NTM: variants seen among roughly 807,000 people sequenced by gnomAD.
NTM encodes the protein neurotrimin, also known as IgLON family member 2.
NTM carries 13 observed loss-of-function variants against 42.1 expected under a neutral mutation model. The observed-to-expected ratio is 0.31, with a 90% confidence interval of 0.20 to 0.49. NTM has a LOEUF of 0.49. Ranked by LOEUF, NTM falls within the 20% of genes least tolerant of loss-of-function variation. NTM has a pLI of 0.99. For synonymous variants in NTM, 187 were observed against 179.2 expected (o/e 1.04, Z -0.35); for missense variants, 373 against 452.8 (o/e 0.82, Z 1.60).
intron 1 of NTM, among the ~76,000 whole-genome samples, chr11:131,785,143 T>C (rs1223292617): frequency 1.3e-5 from 2 of 152,280 alleles, no homozygotes; most frequent in East Asian, 3.9e-4. Flanking sequence ...AACTAGCCTT[T>C]GCATGTATAA....
chr11:131,595,357 C>G (rs1462307341), intron 1 of NTM, among the ~76,000 whole-genome samples: 2 of 152,190 alleles, frequency 1.3e-5, no homozygotes, highest in African/African-American at 4.8e-5. Flanking sequence ...GAGGGCTGAG[C>G]AGTTCACACG....
chr11:131,912,127 C>T (rs774474283), intron 2 of NTM, among the ~76,000 whole-genome samples: 1 of 152,192 alleles, frequency 6.6e-6, no homozygotes, highest in Admixed American at 6.5e-5. Context: ...GGGAGAGCCG[C>T]TGCTTTGTCC....
chr11:132,311,619 G>T (rs1355432400), intron 6 of NTM, among the ~76,000 whole-genome samples: 1 of 152,086 alleles, frequency 6.6e-6, no homozygotes, highest in Non-Finnish European at 1.5e-5. Context: ...GTAAACTGAG[G>T]CATAAAAATT....
At chr11:131,503,082 C>T (rs390741) in intron 1 of NTM, 66,363 of 152,162 alleles carry the variant, frequency 0.44, 14,601 homozygotes, top group South Asian at 0.54. Context: ...GAGGCCTTGG[C>T]TGTTGCCTCT....
chr11:131,911,852 C>T (rs2055108785), intron 2 of NTM, among the ~76,000 whole-genome samples: 1 of 152,098 alleles, frequency 6.6e-6, no homozygotes, highest in Non-Finnish European at 1.5e-5. Flanking sequence ...TGGCGGTGAG[C>T]TTTTTCCCAA....
In NTM at chr11:132,064,817, G is replaced by A. The variant is rs562069571; in HGVS notation, c.168-81465G>A. Among the ~76,000 whole-genome samples, 4 of 152,208 alleles carry A rather than the reference G, an allele frequency of 2.6e-5. No homozygotes were observed. In the South Asian group the frequency reaches 8.3e-4, roughly 32 times the overall value. On this transcript the variant is annotated intron_variant, in intron 2 of 8. Coordinates refer to ENST00000683400, the MANE Select transcript of NTM (RefSeq NM_001352005.2). ...TAAGTGACCATGGCCTGGGGTTATG[G>A]GTCAGAACATCATACCTCATTATTT... is the stretch of plus-strand genomic sequence containing the variant.
At chr11:132,154,649 C>G (rs554047864) in intron 3 of NTM, among the ~76,000 whole-genome samples, 1 of 152,282 alleles carries the variant, frequency 6.6e-6, no homozygotes, top group East Asian at 1.9e-4. Context: ...GAAGCAGTCC[C>G]CAGCCCTCAG....
chr11:132,272,139 C>T (rs2093509864), intron 4 of NTM, among the ~76,000 whole-genome samples: 1 of 152,028 alleles, frequency 6.6e-6, no homozygotes, highest in South Asian at 2.1e-4. Flanking sequence ...TACTCCTTCC[C>T]CTAGGAACTG....
chr11:132,105,283 AAACT>A (rs753756597), intron 2 of NTM, among the ~76,000 whole-genome samples: 126 of 152,116 alleles, frequency 8.3e-4, no homozygotes, highest in Non-Finnish European at 1.5e-3. Context: ...CCAGATGAAT[AAACT>A]TGGAACATAG....
At chr11:132,042,102 G>A (rs1454122125) in intron 2 of NTM, among the ~76,000 whole-genome samples, 1 of 152,130 alleles carries the variant, frequency 6.6e-6, no homozygotes, top group Non-Finnish European at 1.5e-5. Flanking sequence ...TAAGCAGTAG[G>A]TTGCCACAAT....
At chr11:131,652,215 A>T (rs2066589542) in intron 1 of NTM, among the ~76,000 whole-genome samples, 1 of 152,208 alleles carries the variant, frequency 6.6e-6, no homozygotes, top group African/African-American at 2.4e-5. Flanking sequence ...GAGCCTAAGA[A>T]TGGAGGTAAA....
chr11:131,877,911 C>T (rs898237710), intron 1 of NTM: 2 of 152,220 alleles, frequency 1.3e-5, no homozygotes, highest in African/African-American at 2.4e-5. Flanking sequence ...GGGCTGGCCT[C>T]GTCCCACTGG....
chr11:132,081,402 T>C (rs946016983), intron 2 of NTM, among the ~76,000 whole-genome samples: 2 of 152,212 alleles, frequency 1.3e-5, no homozygotes, highest in African/African-American at 4.8e-5. Context: ...AAGACCTTTT[T>C]TCCTATCCTA....
At chr11:132,199,940 A>G (rs2080894265) in intron 3 of NTM, among the ~76,000 whole-genome samples, 1 of 152,122 alleles carries the variant, frequency 6.6e-6, no homozygotes, top group South Asian at 2.1e-4. Flanking sequence ...CAAGCTTTGT[A>G]TTAACAAGAA....
chr11:131,409,027 C>T (rs932878494), intron 1 of NTM, among the ~76,000 whole-genome samples: 1 of 152,180 alleles, frequency 6.6e-6, no homozygotes, highest in Non-Finnish European at 1.5e-5. Context: ...GGGACTGCAG[C>T]AGGCAAGAGG....
At chr11:131,505,659 T>C (rs1388124435) in intron 1 of NTM, among the ~76,000 whole-genome samples, 1 of 152,002 alleles carries the variant, frequency 6.6e-6, no homozygotes, top group African/African-American at 2.4e-5. Flanking sequence ...CATGGCAGAG[T>C]GTGTTAATCA....
chr11:132,003,884 C>T lies in NTM; in HGVS notation c.167+92236C>T, dbSNP rs528194782. 6.6e-5 allele frequency among the ~76,000 whole-genome samples: 10 copies of T among 152,218 alleles called. No homozygotes were observed. Among genetic ancestry groups the T allele is most frequent in the Non-Finnish European group, 1.3e-4 (9 of 68,042 alleles). On this transcript the variant is annotated intron_variant, in intron 2 of 8. Transcript: ENST00000683400. The surrounding 1 kb of genome is among the most constrained non-coding windows in gnomAD (Gnocchi z 6.0). ...AGATTATCTAAAAGGTCAAGATTCT[C>T]ATGTAGACTTCTTTTTGAACATTCT...
chr11:132,172,069 T>A (rs995219718), intron 3 of NTM, among the ~76,000 whole-genome samples: 2 of 152,180 alleles, frequency 1.3e-5, no homozygotes, highest in African/African-American at 4.8e-5. Flanking sequence ...AAATTCCACA[T>A]AGCAGAACAA....
In NTM at chr11:132,310,148, T is replaced by C. The variant is rs549543556; in HGVS notation, c.698T>C (p.Val233Ala). 3 of 1,610,248 alleles carry C rather than the reference T, an allele frequency of 1.9e-6. No individual in the cohort carries two copies. The South Asian group carries it at 3.3e-5, about 18-fold the overall frequency. Residue 233 changes from valine to alanine, a missense_variant, in exon 6 of 9, where the codon GTC becomes GCC. Transcript: ENST00000683400. Reference protein sequence around the residue: ...PYISEAKGTGVPVGQKGTLQC... With the variant: ...PYISEAKGTGAPVGQKGTLQC... ...ATTTCAGAAGCCAAGGGTACAGGTG[T>C]CCCCGTGGGACAAAAGGGGACACTG...
Sources: gnomAD v4.1 joint callset for allele counts (sites outside exome capture counted in the v4.1 genomes callset) on GRCh38, gnomAD v4.1.1 for gene constraint, Gnocchi (gnomAD v3.1) non-coding constraint, MANE v1.5 for transcripts, NCBI Gene and HGNC (gene_info 2026-07-23, HGNC 2026-07-21) for gene names.